Variants in STK40 observed in about 807,000 individuals in gnomAD.
STK40 encodes the protein serine/threonine-protein kinase 40.
A neutral mutation model predicts 47.9 loss-of-function variants in STK40; 13 were observed. The observed-to-expected ratio is 0.27, with a 90% CI of 0.18 to 0.43. STK40 has a LOEUF of 0.43. STK40 is among the 20% of genes least tolerant of loss of function. The pLI, the probability that STK40 is intolerant of heterozygous loss-of-function variation, is 1.00. For synonymous variants in STK40, 225 were observed against 243.2 expected (o/e 0.93, Z 0.69); for missense variants, 460 against 595.1 (o/e 0.77, Z 2.36).
At chr1:36,353,695 A>G (rs564160555) in intron 6 of STK40, among the ~76,000 whole-genome samples, 11 of 152,314 alleles carry the variant, frequency 7.2e-5, no homozygotes, top group Non-Finnish European at 1.3e-4. Flanking sequence ...TGGGGGCACA[A>G]AGGCCAAGCG....
At position 36,362,354 on chromosome 1, in the gene STK40, G is replaced by T. The variant is rs938597743; in HGVS notation, c.-8-1014C>A. On this transcript the variant is annotated intron_variant, in intron 1 of 10. Transcript: ENST00000373132. ...CACAGGATGCCCAGTGTGGGTGCAG[G>T]GCTCCGGGAAAATTTCCCTAAGGAT... is the stretch of plus-strand genomic sequence containing the variant. 2.0e-5 allele frequency among the ~76,000 whole-genome samples: 3 copies of T among 152,192 alleles called. No individual in the cohort carries two copies. In the South Asian group the frequency reaches 6.2e-4, roughly 31 times the overall value.
chr1:36,343,800 A>T (rs1029817129), intron 9 of STK40, 60 bp downstream of exon 9: 10 of 1,518,700 alleles, frequency 6.6e-6, no homozygotes, highest in Admixed American at 2.2e-5. Flanking sequence ...TTTTCTGGGT[A>T]GGATGGGCAG....
rs1241166630 is a variant in STK40 at position 36,354,275 on chromosome 1, T to C, written c.623+89A>G. On this transcript the variant is annotated intron_variant, in intron 6 of 10. Transcript: ENST00000373132. ...GGGTTGTTTTGAGTCGGAATCCTCA[T>C]GAGGACACTTCAGGGCACTGGAGAG... 7.0e-6 allele frequency: 10 copies of C among 1,429,914 alleles called. No homozygotes were observed. In the Admixed American group the frequency reaches 1.7e-4, roughly 24 times the overall value. The allele number at this position is 1,429,914 out of a possible 1,614,324, so 88.6% of individuals were successfully genotyped here. A position where few individuals can be genotyped will look rare whatever the true frequency, so the allele number is the denominator to read the frequency against.
intron 1 of STK40, among the ~76,000 whole-genome samples, chr1:36,377,425 C>T (rs1037709593): frequency 1.4e-5 from 2 of 145,850 alleles, no homozygotes; most frequent in African/African-American, 2.6e-5. Flanking sequence ...CCCAGCTACT[C>T]GGGAGGCTGA....
intron 1 of STK40, among the ~76,000 whole-genome samples, chr1:36,367,543 G>A (rs1045295699): frequency 2.0e-5 from 3 of 152,252 alleles, no homozygotes; most frequent in African/African-American, 7.2e-5. Context: ...CCACATAAGG[G>A]TTCCAAGGCT....
At chr1:36,383,491 TCAGCAAAGATCCATCGCCC>T (rs1286553829) in intron 1 of STK40, among the ~76,000 whole-genome samples, 9 of 152,252 alleles carry the variant, frequency 5.9e-5, no homozygotes, top group Non-Finnish European at 5.9e-5. Flanking sequence ...TGGTGCTTCC[TCAGCAAAGATCCATCGCCC>T]CAGCACCAAC....
rs143130232 is a variant in STK40 at position 36,345,991 on chromosome 1, A to ATTTTTTTTTTTTTTTTTT, written c.740-1745_740-1728dup. Among the ~76,000 whole-genome samples, 9 of 26,466 alleles carry ATTTTTTTTTTTTTTTTTT rather than the reference A, an allele frequency of 3.4e-4. 3 individuals carry two copies. Among genetic ancestry groups the ATTTTTTTTTTTTTTTTTT allele is most frequent in the Non-Finnish European group, 6.2e-4 (9 of 14,428 alleles). The allele number at this position is 26,466 out of a possible 152,430, so 17.4% of individuals were successfully genotyped here. On this transcript the variant is annotated intron_variant, in intron 7 of 10. Transcript: ENST00000373132. ...TACATATATATATATATATATATAT[A>ATTTTTTTTTTTTTTTTTT]TTTTTTTTTTTTTTTTTTCCTGAGA...
At position 36,348,772 on chromosome 1, in the gene STK40, G is replaced by A; in HGVS notation, c.667C>T (p.Leu223=). The part of the protein sequence containing the change: ...TITNFCLGKH[L]VSEGDLLKDQ... ...TTCAGCAGGTCCCCCTCGCTCACCA[G>A]ATGCTTCCCGAGGCAGAAGTTGGTG... is the stretch of plus-strand genomic sequence containing the variant. Residue 223 remains leucine, a synonymous_variant, in exon 7 of 11, where the codon CTG becomes TTG. Coordinates refer to ENST00000373132, the MANE Select transcript of STK40 (RefSeq NM_001282547.2). 1 of 1,610,006 alleles carries A rather than the reference G, an allele frequency of 6.2e-7. No individual in the cohort carries two copies. The highest frequency in any genetic ancestry group is 1.1e-5 in the South Asian group (1 of 90,132).
At position 36,365,022 on chromosome 1, in the gene STK40, G is replaced by A. The variant is rs1430034197; in HGVS notation, c.-8-3682C>T. Among the ~76,000 whole-genome samples the A allele has an allele frequency of 1.5e-4, 20 of 133,628 alleles. No individual in the cohort carries two copies. In the South Asian group the frequency reaches 2.5e-3, roughly 16 times the overall value. The allele number at this position is 133,628 out of a possible 152,430, so 87.7% of individuals were successfully genotyped here. A position where few individuals can be genotyped will look rare whatever the true frequency, so the allele number is the denominator to read the frequency against. On this transcript the variant is annotated intron_variant, in intron 1 of 10. Coordinates refer to ENST00000373132, the MANE Select transcript of STK40 (RefSeq NM_001282547.2). ...TTTTTTTTTTTTGAGACGGAGTCTC[G>A]CTCTTGTTGCCCAGGCTGGAGTGCA...
rs566639917 is a variant in STK40, at chr1:36,348,867, C to T, written c.624-52G>A. 1.6e-4 allele frequency: 242 copies of T among 1,470,974 alleles called. 1 individual carries two copies. The South Asian group carries it at 2.3e-3, about 14-fold the overall frequency. The allele number at this position is 1,470,974 out of a possible 1,614,324, so 91.1% of individuals were successfully genotyped here. On this transcript the variant is annotated intron_variant, in intron 6 of 10. Transcript: ENST00000373132. Reference sequence around the variant, plus strand: ...ACCTCAGTGTCTATAGCAACAGGCACAAGACACGCAGGCAGGACACACCTC... The same window carrying T: ...ACCTCAGTGTCTATAGCAACAGGCATAAGACACGCAGGCAGGACACACCTC...
At chr1:36,377,635 A>G (rs780259719) in intron 1 of STK40, among the ~76,000 whole-genome samples, 2 of 152,078 alleles carry the variant, frequency 1.3e-5, no homozygotes, top group African/African-American at 2.4e-5. Flanking sequence ...AGGTGTAAGC[A>G]TAAGTGCCCT....
chr1:36,373,577 T>C (rs573626051), intron 1 of STK40, among the ~76,000 whole-genome samples: 99 of 152,186 alleles, frequency 6.5e-4, no homozygotes, highest in African/African-American at 2.2e-3. Context: ...TTGGAAGCCA[T>C]TTGCTTTGTG....
In STK40 at chr1:36,348,833, A is replaced by C; in HGVS notation, c.624-18T>G. 6.3e-7 allele frequency: 1 copy of C among 1,581,080 alleles called. No individual in the cohort carries two copies. The highest frequency in any genetic ancestry group is 1.1e-5 in the South Asian group (1 of 87,222). On this transcript the variant is annotated intron_variant, in intron 6 of 10. Transcript: ENST00000373132. ...GATGTGTCCTAGGAGTGGGAGACAG[A>C]GTGAACAAACCTCAGTGTCTATAGC...
chr1:36,366,984 A>G (rs1570457459), intron 1 of STK40, among the ~76,000 whole-genome samples: 1 of 148,964 alleles, frequency 6.7e-6, no homozygotes, highest in Non-Finnish European at 1.5e-5. Flanking sequence ...ACAGGCATCT[A>G]CCACCACACC....
intron 1 of STK40, among the ~76,000 whole-genome samples, chr1:36,361,608 T>C (rs1646853452): frequency 6.6e-6 from 1 of 152,106 alleles, no homozygotes; most frequent in African/African-American, 2.4e-5. Context: ...CACCACCAAG[T>C]GGCCAGTTAA....
intron 6 of STK40, 46 bp from the exon 7 acceptor site, chr1:36,348,861 C>T (rs1465170763): frequency 6.0e-6 from 9 of 1,507,484 alleles, no homozygotes; most frequent in Non-Finnish European, 8.2e-6. Context: ...TCTATAGCAA[C>T]AGGCACAAGA....
chr1:36,375,720 A>G (rs1290581575), intron 1 of STK40, among the ~76,000 whole-genome samples: 3 of 152,010 alleles, frequency 2.0e-5, no homozygotes, highest in East Asian at 3.9e-4. Flanking sequence ...TAAAAATTAA[A>G]TTAAATTTCA....
At chr1:36,378,912 T>A (rs574844083) in intron 1 of STK40, among the ~76,000 whole-genome samples, 1 of 152,288 alleles carries the variant, frequency 6.6e-6, no homozygotes, top group East Asian at 1.9e-4. Flanking sequence ...CTCCCCAGGG[T>A]TGGCAGATGC....
At chr1:36,370,365 G>C (rs1299015535) in intron 1 of STK40, among the ~76,000 whole-genome samples, 2 of 152,196 alleles carry the variant, frequency 1.3e-5, no homozygotes, top group Non-Finnish European at 1.5e-5. Context: ...CTTCACACTG[G>C]TGACAGGTCC....
Sources: gnomAD v4.1 joint callset for allele counts (sites outside exome capture counted in the v4.1 genomes callset) on GRCh38, gnomAD v4.1.1 for gene constraint, MANE v1.5 for transcripts, NCBI Gene and HGNC (gene_info 2026-07-23, HGNC 2026-07-21) for gene names.